The following ATR variants were observed in gnomAD, a reference collection of about 807,000 sequenced individuals.
The protein encoded by ATR is ATR checkpoint kinase, also known as serine/threonine-protein kinase ATR.
ATR carries 142 observed loss-of-function variants against 305.3 expected under a neutral mutation model. The ratio of observed to expected loss-of-function variants is 0.47; its 90% CI spans 0.41 to 0.53. The LOEUF (loss-of-function observed/expected upper bound fraction) is 0.53. Ranked by LOEUF, ATR falls within the 20% of genes least tolerant of loss-of-function variation. The pLI is 0.00. For missense variants in ATR, 2,135 were observed against 3,133.1 expected (o/e 0.68, Z 7.60); for synonymous variants, 1,050 against 1,068.1 (o/e 0.98, Z 0.33).
intron 13 of ATR, among the ~76,000 whole-genome samples, chr3:142,550,896 T>G (rs889431547): frequency 6.6e-6 from 1 of 152,160 alleles, no homozygotes; most frequent in African/African-American, 2.4e-5. Context: ...CAGGCGATTC[T>G]TCTGCCTCAG....
At chr3:142,566,786 C>G (rs1399294181) in intron 2 of ATR, among the ~76,000 whole-genome samples, 2 of 151,750 alleles carry the variant, frequency 1.3e-5, no homozygotes, top group East Asian at 3.9e-4. Flanking sequence ...CTCTGTTGCC[C>G]AGGCTGGAGT....
intron 14 of ATR, 55 bp from the exon 15 acceptor site, chr3:142,549,728 A>G (rs929093299): frequency 6.5e-7 from 1 of 1,533,410 alleles, no homozygotes; most frequent in Non-Finnish European, 9.0e-7. Flanking sequence ...TGAAAAAAAT[A>G]TTCACATAAG....
intron 31 of ATR, 77 bp from the exon 32 acceptor site, chr3:142,498,851 G>C (rs1414466748): frequency 7.0e-7 from 1 of 1,423,122 alleles, no homozygotes; most frequent in African/African-American, 1.4e-5. Flanking sequence ...TAGATAAAAT[G>C]GTCAGCTGAA....
chr3:142,499,076 T>G, intron 31 of ATR: 1 of 399,238 alleles, frequency 2.5e-6, no homozygotes, highest in East Asian at 5.6e-5. Context: ...AGAGACAGTC[T>G]CAGTATTTTG....
intron 46 of ATR, chr3:142,452,044 C>T: frequency 9.7e-7 from 1 of 1,031,864 alleles, no homozygotes; most frequent in Admixed American, 5.1e-5. Context: ...TTAATCTCAC[C>T]CTACAGATGA....
At chr3:142,546,589 A>C (rs1171218177) in intron 16 of ATR, among the ~76,000 whole-genome samples, 1 of 152,224 alleles carries the variant, frequency 6.6e-6, no homozygotes. Context: ...GAGAAAAAAG[A>C]GCCAGTTACA....
At position 142,498,619 on chromosome 3, in the gene ATR, G is replaced by T. The variant is rs754030624; in HGVS notation, c.5536C>A (p.Arg1846=). The T allele has an allele frequency of 1.2e-6, 2 of 1,613,752 alleles. No individual in the cohort carries two copies. The highest frequency in any genetic ancestry group is 1.7e-6 in the Non-Finnish European group (2 of 1,179,962). The change falls in exon 32 of 47, where the codon CGA becomes AGA. Residue 1846 remains arginine, a synonymous_variant. Transcript: ENST00000350721. The part of the protein sequence containing the change: ...AASFERGSYQ[R]GYEYIVRLHM... ...TACCTCACAATATATTCATATCCTC[G>T]TTGGTAGGAGCCTCTTTCAAAGCTT...
At chr3:142,552,054 A>G (rs2034489768) in intron 13 of ATR, among the ~76,000 whole-genome samples, 2 of 152,190 alleles carry the variant, frequency 1.3e-5, no homozygotes, top group South Asian at 4.1e-4. Context: ...AACGAACATG[A>G]AAAAAAGCTC....
In ATR at chr3:142,549,656, T is replaced by C; in HGVS notation, c.2994A>G (p.Leu998=). ...TTGCTTTGGCAGCAAGATCAGGTAG[T>C]AGAACTTGTAATGTCCTCTGAAAAA... The part of the protein sequence containing the change: ...NRFLTRTLQV[L]LPDLAAKASP... Residue 998 remains leucine (L), a synonymous_variant, in exon 15 of 47, where the codon CTA becomes CTG. Transcript: ENST00000350721. The C allele has an allele frequency of 1.9e-6, 3 of 1,613,654 alleles. No individual in the cohort carries two copies. The highest frequency in any genetic ancestry group is 2.5e-6 in the Non-Finnish European group (3 of 1,179,786).
intron 8 of ATR, among the ~76,000 whole-genome samples, chr3:142,557,922 C>T (rs950513336): frequency 4.6e-5 from 7 of 152,248 alleles, no homozygotes; most frequent in East Asian, 3.9e-4. Context: ...CGTGAGCCAC[C>T]GTGCCTGGCC....
intron 27 of ATR, among the ~76,000 whole-genome samples, chr3:142,508,819 G>C (rs2032391194): frequency 6.6e-6 from 1 of 151,800 alleles, no homozygotes; most frequent in Admixed American, 6.6e-5. Context: ...AGCTACTCGG[G>C]GGGCTGAGGC....
At chr3:142,461,536 C>T (rs549561752) in intron 42 of ATR, among the ~76,000 whole-genome samples, 43 of 152,210 alleles carry the variant, frequency 2.8e-4, no homozygotes, top group African/African-American at 4.3e-4. Context: ...CAATCTAAAA[C>T]GTCAGACTTC....
intron 15 of ATR, among the ~76,000 whole-genome samples, chr3:142,548,485 A>G (rs1234051983): frequency 6.6e-6 from 1 of 152,184 alleles, no homozygotes; most frequent in Non-Finnish European, 1.5e-5. Context: ...CCTGGCCAAC[A>G]TGGTGAAACC....
intron 39 of ATR, among the ~76,000 whole-genome samples, chr3:142,467,456 T>C (rs2071157022): frequency 1.3e-5 from 2 of 152,188 alleles, no homozygotes; most frequent in African/African-American, 4.8e-5. Context: ...AGCATAGTGC[T>C]TGTCCCCTCA....
chr3:142,514,142 G>T (rs779434283), intron 25 of ATR, among the ~76,000 whole-genome samples: 1 of 151,672 alleles, frequency 6.6e-6, no homozygotes, highest in Non-Finnish European at 1.5e-5. Context: ...GTATGGTGGC[G>T]GGTGCCTGTA....
chr3:142,520,090 A>G (rs370973172), intron 23 of ATR, among the ~76,000 whole-genome samples: 8 of 152,102 alleles, frequency 5.3e-5, no homozygotes, highest in Admixed American at 1.3e-4. Flanking sequence ...CATTATTACT[A>G]TATCTGTTAT....
At chr3:142,525,263 T>A (rs1403813190) in intron 21 of ATR, among the ~76,000 whole-genome samples, 1 of 152,214 alleles carries the variant, frequency 6.6e-6, no homozygotes, top group Non-Finnish European at 1.5e-5. Context: ...TGGTTATTCA[T>A]ATACTAGTTA....
At chr3:142,543,506 CCT>C (rs1158364715) in intron 16 of ATR, among the ~76,000 whole-genome samples, 18 of 146,292 alleles carry the variant, frequency 1.2e-4, no homozygotes, top group African/African-American at 4.2e-4. Context: ...TTCCTTCCTC[CCT>C]CTTTCTCTTT....
chr3:142,543,242 G>T (rs1471797223), intron 16 of ATR, among the ~76,000 whole-genome samples: 1 of 152,280 alleles, frequency 6.6e-6, no homozygotes, highest in East Asian at 1.9e-4. Flanking sequence ...AGTAACAGGG[G>T]AAAAGAGGCA....
Sources: gnomAD v4.1 joint callset for allele counts (sites outside exome capture counted in the v4.1 genomes callset) on GRCh38, gnomAD v4.1.1 for gene constraint, MANE v1.5 for transcripts, NCBI Gene and HGNC (gene_info 2026-07-23, HGNC 2026-07-21) for gene names.